The following STK32C variants were observed in gnomAD, a reference collection of about 807,000 sequenced individuals.
STK32C encodes serine/threonine kinase 32C.
Under a neutral mutation model 56.5 loss-of-function variants are expected in STK32C, and 31 were observed. That is an observed-to-expected ratio of 0.55 (90% CI 0.41 to 0.74). The LOEUF is 0.74. Among genes scored for constraint, STK32C ranks in the 30% least tolerant of loss-of-function variants. The probability of loss-of-function intolerance (pLI) is 0.00; values close to 1 mark genes in which losing one functional copy is unlikely to be tolerated. For synonymous variants in STK32C, 309 were observed against 289.4 expected (o/e 1.07, Z -0.69); for missense variants, 544 against 676.9 (o/e 0.80, Z 2.18).
At chr10:132,299,533 T>C (rs1287750867) in intron 1 of STK32C, among the ~76,000 whole-genome samples, 1 of 152,148 alleles carries the variant, frequency 6.6e-6, no homozygotes, top group African/African-American at 2.4e-5. Context: ...ACAAGACCCC[T>C]GGGGAGGTTT....
intron 2 of STK32C, among the ~76,000 whole-genome samples, chr10:132,243,360 A>T (rs762092082): frequency 1.1e-4 from 17 of 152,136 alleles, no homozygotes; most frequent in Non-Finnish European, 2.4e-4. Context: ...GCAGGCTTCT[A>T]ATCACACTGA....
intron 1 of STK32C, chr10:132,331,353 A>T: frequency 7.1e-7 from 1 of 1,408,472 alleles, no homozygotes; most frequent in Non-Finnish European, 9.6e-7. Context: ...AGGGTTCCAC[A>T]GGACCACGCG....
intron 2 of STK32C, among the ~76,000 whole-genome samples, chr10:132,242,274 A>G (rs1387670362): frequency 2.0e-5 from 3 of 151,830 alleles, no homozygotes; most frequent in Non-Finnish European, 4.4e-5. Flanking sequence ...TGCTGGGAGG[A>G]GGGCGGCTGA....
chr10:132,257,372 C>G (rs1009364017), intron 1 of STK32C, among the ~76,000 whole-genome samples: 2 of 134,788 alleles, frequency 1.5e-5, no homozygotes, highest in Admixed American at 8.2e-5. Context: ...GGAGGGGCTC[C>G]TAGGAAGAGG....
chr10:132,301,006 G>GACACC (rs2065896297), intron 1 of STK32C, among the ~76,000 whole-genome samples: 1 of 152,128 alleles, frequency 6.6e-6, no homozygotes, highest in African/African-American at 2.4e-5. Flanking sequence ...GAAGGGAAAT[G>GACACC]ACACCAAGTA....
At chr10:132,211,547 C>T (rs1415457161) in intron 10 of STK32C, among the ~76,000 whole-genome samples, 1 of 152,240 alleles carries the variant, frequency 6.6e-6, no homozygotes, top group African/African-American at 2.4e-5. Flanking sequence ...GTGACCACGA[C>T]CCCTTTCCAC....
In STK32C at chr10:132,260,804, A is replaced by G. The variant is rs189989059; in HGVS notation, c.263-14849T>C. On this transcript the variant is annotated intron_variant, in intron 1 of 11. Transcript: ENST00000298630. ...GAGAGGGGCGAGACAGGGCCCAGTTAAAGCCCACGCCCAACACCACAGTGG... is the reference window on the plus strand; with the variant it reads ...GAGAGGGGCGAGACAGGGCCCAGTTGAAGCCCACGCCCAACACCACAGTGG... Among the ~76,000 whole-genome samples the G allele has an allele frequency of 8.9e-4, 135 of 152,320 alleles. 1 individual carries two copies. The highest frequency in any genetic ancestry group is 6.8e-3 in the Admixed American group (104 of 15,306).
intron 1 of STK32C, among the ~76,000 whole-genome samples, chr10:132,250,659 G>C (rs2137980772): frequency 6.6e-6 from 1 of 150,586 alleles, no homozygotes. Context: ...CTGCAGAGAG[G>C]GGCCCCGCCC....
At chr10:132,305,957 C>T (rs1168810525) in intron 1 of STK32C, among the ~76,000 whole-genome samples, 2 of 152,200 alleles carry the variant, frequency 1.3e-5, no homozygotes, top group South Asian at 2.1e-4. Flanking sequence ...GAATCTCTGC[C>T]GTCCTACTAC....
intron 1 of STK32C, among the ~76,000 whole-genome samples, chr10:132,297,924 T>G (rs887658145): frequency 1.3e-5 from 2 of 152,222 alleles, no homozygotes; most frequent in Non-Finnish European, 2.9e-5. Context: ...CCAAGCTCTT[T>G]CAGTTTCAAA....
chr10:132,284,813 CGTCTGCCCAAAG>C (rs1168470528), intron 1 of STK32C, among the ~76,000 whole-genome samples: 58 of 147,070 alleles, frequency 3.9e-4, no homozygotes, highest in African/African-American at 1.3e-3. Context: ...CACATTCCCA[CGTCTGCCCAAAG>C]ACCAGGCATG....
Position 132,300,259 on chromosome 10 carries a change from C to T in STK32C, c.262+7313G>A, listed in dbSNP as rs573462686. On this transcript the variant is annotated intron_variant, in intron 1 of 11. Transcript: ENST00000298630. ...GTTCCTATTTTTAATAAATTGGGGG[C>T]GACACTGACTCCCACCTACACCATC... Among the ~76,000 whole-genome samples, 6 of 152,262 alleles carry T rather than the reference C, an allele frequency of 3.9e-5. No homozygotes were observed. The South Asian group carries it at 8.3e-4, about 21-fold the overall frequency.
chr10:132,273,816 A>AATGAGAG (rs1360463767), intron 1 of STK32C, among the ~76,000 whole-genome samples: 5 of 151,500 alleles, frequency 3.3e-5, no homozygotes, highest in East Asian at 3.9e-4. Flanking sequence ...GAGGTGAGCA[A>AATGAGAG]ATGAGAGATG....
At chr10:132,223,554 A>G (rs1565074466) in intron 8 of STK32C, among the ~76,000 whole-genome samples, 1 of 152,204 alleles carries the variant, frequency 6.6e-6, no homozygotes, top group Non-Finnish European at 1.5e-5. Flanking sequence ...GGCCCTCTCT[A>G]GCCCAGTGCC....
At chr10:132,218,082 G>A (rs1403841382) in intron 10 of STK32C, among the ~76,000 whole-genome samples, 2 of 152,122 alleles carry the variant, frequency 1.3e-5, no homozygotes, top group Non-Finnish European at 1.5e-5. Context: ...AGCATTTTGG[G>A]AGGCTGAGGT....
chr10:132,281,879 A>G (rs1564774275), intron 1 of STK32C, among the ~76,000 whole-genome samples: 1 of 150,268 alleles, frequency 6.7e-6, no homozygotes, highest in Non-Finnish European at 1.5e-5. Flanking sequence ...TGGCTATTTC[A>G]GCCCAACCAG....
rs554933975 is a variant in STK32C, at chr10:132,237,707, T to C, written c.318+8193A>G. Among the ~76,000 whole-genome samples, 267 of 151,698 alleles carry C rather than the reference T, an allele frequency of 1.8e-3. 1 individual carries two copies. Among genetic ancestry groups the C allele is most frequent in the African/African-American group, 5.1e-3 (211 of 41,350 alleles). ...GCCCCCAAGTGCAGCTTCACCCCTCTTCCCCCAAGTGTGTGCCGGCGGGGC... is the reference window on the plus strand; with the variant it reads ...GCCCCCAAGTGCAGCTTCACCCCTCCTCCCCCAAGTGTGTGCCGGCGGGGC... On this transcript the variant is annotated intron_variant, in intron 2 of 11. Coordinates refer to ENST00000298630, the MANE Select transcript of STK32C (RefSeq NM_173575.4).
rs766269601 is a variant in STK32C, at chr10:132,209,040, C to T, written c.1313G>A (p.Arg438Lys). Residue 438 changes from arginine (R) to lysine (K), a missense_variant, in exon 11 of 12, where the codon AGA (arginine) becomes AAA (lysine). Physicochemically the swap from Arg to Lys is conservative, Grantham distance 26. Around this residue, in one of 3 missense-constraint regions of STK32C, gnomAD observed 277 missense variants for 309.3 expected, o/e 0.90. Transcript: ENST00000298630. ...AIQQDFVIFN[R>K]EKLKRSQDLP... is the part of the protein sequence containing the mutation. The stretch of plus-strand genomic sequence containing the variant: ...CCACCCCCAACACACTCACTTTTCT[C>T]TGTTAAAAATCACGAAGTCTTGCTG... 5 of 1,597,818 alleles carry T rather than the reference C, an allele frequency of 3.1e-6. No individual in the cohort carries two copies. Among genetic ancestry groups the T allele is most frequent in the Admixed American group, 1.7e-5 (1 of 59,892 alleles).
At position 132,225,579 on chromosome 10, in the gene STK32C, G is replaced by A; in HGVS notation, c.720C>T (p.Ile240=). The A allele has an allele frequency of 1.9e-6, 3 of 1,613,872 alleles. No homozygotes were observed. The highest frequency in any genetic ancestry group is 1.3e-5 in the African/African-American group (1 of 75,054). The change falls in exon 6 of 12, where the codon ATC becomes ATT. Residue 240 remains isoleucine (I), a synonymous_variant. Coordinates refer to ENST00000298630, the MANE Select transcript of STK32C (RefSeq NM_173575.4). The part of the protein sequence containing the change: ...AHLTDFNIAT[I]IKDGERATAL... ...CCGTCGCCCGCTCCCCGTCCTTGAT[G>A]ATGGTGGCAATGTTGAAGTCGGTCA...
Sources: gnomAD v4.1 joint callset for allele counts (sites outside exome capture counted in the v4.1 genomes callset) on GRCh38, gnomAD v4.1.1 for gene constraint, gnomAD v4.1.1 regional missense constraint, MANE v1.5 for transcripts, NCBI Gene and HGNC (gene_info 2026-07-23, HGNC 2026-07-21) for gene names.